CSNK2A1: variants seen among roughly 807,000 people sequenced by gnomAD.
The protein encoded by CSNK2A1 is casein kinase 2 alpha 1.
CSNK2A1 carries 10 observed loss-of-function variants against 62.9 expected under a neutral mutation model. That is an observed-to-expected ratio of 0.16 (90% CI 0.10 to 0.27). The LOEUF (loss-of-function observed/expected upper bound fraction) is 0.27, where lower values mean the gene tolerates loss of function less well. Ranked by LOEUF, CSNK2A1 falls within the 10% of genes least tolerant of loss-of-function variation. The pLI is 1.00. For synonymous variants in CSNK2A1, 124 were observed against 167.8 expected (o/e 0.74, Z 2.02); for missense variants, 160 against 492.0 (o/e 0.33, Z 6.38).
intron 1 of CSNK2A1, among the ~76,000 whole-genome samples, chr20:534,653 C>A (rs1341792112): frequency 6.6e-6 from 1 of 152,066 alleles, no homozygotes; most frequent in East Asian, 1.9e-4. Flanking sequence ...TGAAAAACCC[C>A]CTAGTATAAC....
chr20:525,322 G>A (rs1334509052), intron 2 of CSNK2A1, among the ~76,000 whole-genome samples: 2 of 151,740 alleles, frequency 1.3e-5, no homozygotes, highest in Admixed American at 6.6e-5. Context: ...GACCAGCCTG[G>A]GCAACATGGC....
chr20:536,843 G>A (rs1008079738), intron 1 of CSNK2A1, among the ~76,000 whole-genome samples: 1 of 152,156 alleles, frequency 6.6e-6, no homozygotes, highest in Non-Finnish European at 1.5e-5. Flanking sequence ...CACAACGCCT[G>A]CCAGAAACGT....
At chr20:530,455 T>C (rs1296414671) in intron 1 of CSNK2A1, among the ~76,000 whole-genome samples, 4 of 151,184 alleles carry the variant, frequency 2.6e-5, no homozygotes, top group Non-Finnish European at 5.9e-5. Flanking sequence ...GTACAAGTTT[T>C]TCACTTTTTT....
At chr20:489,568 A>G (rs995043903) in intron 10 of CSNK2A1, 9 of 435,524 alleles carry the variant, frequency 2.1e-5, no homozygotes, top group Middle Eastern at 5.8e-4. Flanking sequence ...ATGACAATTT[A>G]TATGTATTCT....
intron 2 of CSNK2A1, among the ~76,000 whole-genome samples, chr20:510,893 T>A (rs1028246787): frequency 2.7e-5 from 4 of 149,696 alleles, no homozygotes; most frequent in Non-Finnish European, 3.0e-5. Flanking sequence ...ATTAAATAAA[T>A]TTTTTTTTTG....
At chr20:517,990 A>C (rs566518207) in intron 2 of CSNK2A1, among the ~76,000 whole-genome samples, 27 of 152,174 alleles carry the variant, frequency 1.8e-4, no homozygotes, top group Non-Finnish European at 4.4e-5. Context: ...TTCCAACACT[A>C]ATCAGTTCCT....
At chr20:535,276 A>G (rs1025981278) in intron 1 of CSNK2A1, among the ~76,000 whole-genome samples, 1 of 152,216 alleles carries the variant, frequency 6.6e-6, no homozygotes, top group African/African-American at 2.4e-5. Context: ...TCAGGAAGAC[A>G]GACAAATAGA....
intron 3 of CSNK2A1, chr20:508,209 A>T: frequency 4.6e-6 from 2 of 435,736 alleles, no homozygotes; most frequent in Non-Finnish European, 8.3e-6. Flanking sequence ...TACATCATAG[A>T]AAAGGATAAG....
intron 2 of CSNK2A1, among the ~76,000 whole-genome samples, chr20:514,245 G>A (rs1233039620): frequency 6.6e-6 from 1 of 151,944 alleles, no homozygotes; most frequent in Non-Finnish European, 1.5e-5. Context: ...TTGGTAGGCT[G>A]AGATGGAAGG....
rs1418433353 is a variant in CSNK2A1, at chr20:535,494, G to T, written c.-226-7445C>A. On this transcript the variant is annotated intron_variant, in intron 1 of 13. Transcript: ENST00000217244. The stretch of plus-strand genomic sequence containing the variant: ...ACACTGGCCGGGCGCGGTGGCTCAC[G>T]CCTGTAACCCCAGCACTTTGGGAGG... 5.9e-5 allele frequency among the ~76,000 whole-genome samples: 9 copies of T among 152,126 alleles called. No individual in the cohort carries two copies. In the South Asian group the frequency reaches 1.5e-3, roughly 25 times the overall value.
intron 1 of CSNK2A1, among the ~76,000 whole-genome samples, chr20:535,394 T>C (rs888984127): frequency 6.6e-6 from 1 of 152,226 alleles, no homozygotes; most frequent in Non-Finnish European, 1.5e-5. Flanking sequence ...TCTATTTTCA[T>C]TTTTTCACAA....
chr20:487,163 T>C (rs1039892563), intron 12 of CSNK2A1: 26 of 505,970 alleles, frequency 5.1e-5, no homozygotes, highest in Admixed American at 3.2e-4. Context: ...AATTCAACCA[T>C]TCCAGACTGA....
intron 4 of CSNK2A1, chr20:500,453 A>G (rs2018436338): frequency 6.3e-6 from 1 of 159,054 alleles, no homozygotes; most frequent in African/African-American, 2.4e-5. Context: ...TACCTTTACT[A>G]CCTGCTGGCT....
chr20:539,542 T>C (rs909372092), intron 1 of CSNK2A1: 3 of 152,232 alleles, frequency 2.0e-5, no homozygotes, highest in African/African-American at 7.2e-5. Context: ...TAAGTGCTTA[T>C]GTGAGTAGAA....
intron 10 of CSNK2A1, chr20:489,474 G>A (rs2018170037): frequency 5.1e-6 from 2 of 390,412 alleles, no homozygotes; most frequent in Non-Finnish European, 9.1e-6. Context: ...CCACATATGG[G>A]CTCACATATT....
In CSNK2A1 at chr20:488,752, C is replaced by G. The variant is rs1401416854; in HGVS notation, c.750G>C (p.Gly250=). Residue 250 remains glycine, a synonymous_variant, in exon 11 of 14, where the codon GGG becomes GGC. Transcript: ENST00000217244. ...CAATATAGTCATATAAATCTTCTGT[C>G]CCCAGAACCTTGGCTATCCTCACCA... The part of the protein sequence containing the change: ...DQLVRIAKVL[G]TEDLYDYIDK... 1.2e-6 allele frequency: 2 copies of G among 1,613,620 alleles called. No individual in the cohort carries two copies. The highest frequency in any genetic ancestry group is 2.7e-5 in the African/African-American group (2 of 74,890).
At chr20:520,298 G>C (rs1156624020) in intron 2 of CSNK2A1, among the ~76,000 whole-genome samples, 3 of 152,022 alleles carry the variant, frequency 2.0e-5, no homozygotes, top group Non-Finnish European at 4.4e-5. Context: ...AATAAAGCTG[G>C]AAGAATTATA....
chr20:490,840 C>G (rs1197573864), intron 9 of CSNK2A1, among the ~76,000 whole-genome samples: 3 of 149,034 alleles, frequency 2.0e-5, no homozygotes, highest in Non-Finnish European at 4.4e-5. Context: ...AGGCATACAC[C>G]ACTATGCTCA....
intron 2 of CSNK2A1, among the ~76,000 whole-genome samples, chr20:523,411 AG>A (rs2018990979): frequency 6.6e-6 from 1 of 152,224 alleles, no homozygotes; most frequent in Non-Finnish European, 1.5e-5. Flanking sequence ...TCCTTCAAGG[AG>A]TGAATGGATA....
Sources: gnomAD v4.1 joint callset for allele counts (sites outside exome capture counted in the v4.1 genomes callset) on GRCh38, gnomAD v4.1.1 for gene constraint, MANE v1.5 for transcripts, NCBI Gene and HGNC (gene_info 2026-07-23, HGNC 2026-07-21) for gene names.